ASTN2: variants seen among roughly 807,000 people sequenced by gnomAD.
ASTN2 encodes the protein astrotactin 2.
ASTN2 carries 54 observed loss-of-function variants against 139.8 expected under a neutral mutation model. The ratio of observed to expected loss-of-function variants is 0.39; its 90% CI spans 0.31 to 0.48. ASTN2 has a LOEUF of 0.48. Ranked by LOEUF, ASTN2 falls within the 20% of genes least tolerant of loss-of-function variation. ASTN2 has a pLI of 0.95. For synonymous variants in ASTN2, 756 were observed against 719.5 expected (o/e 1.05, Z -0.81); for missense variants, 1,565 against 1,725.1 (o/e 0.91, Z 1.64).
chr9:117,214,622 C>T lies in ASTN2; in HGVS notation c.751G>A (p.Glu251Lys), dbSNP rs562214892. 6.3e-7 allele frequency: 1 copy of T among 1,588,438 alleles called. No homozygotes were observed. Among genetic ancestry groups the T allele is most frequent in the South Asian group, 1.1e-5 (1 of 89,238 alleles). Residue 251 changes from glutamate (E) to lysine (K), a missense_variant, in exon 3 of 23, where the codon GAG (glutamate) becomes AAG (lysine). Glu to Lys is a moderately conservative substitution (Grantham distance 56). This residue lies in a region of ASTN2 where 596 missense variants were observed against 576.8 expected (regional missense o/e 1.03). Coordinates refer to ENST00000313400, the MANE Select transcript of ASTN2 (RefSeq NM_001365068.1). ...QKSASTEATH[E>K]IHYIPSVLLG... is the part of the protein sequence containing the mutation. ...AGCACAGATGGGATGTAGTGGATCTCATGAGTGGCTTCTGTGCTTGCGCTC... is the reference window on the plus strand; with the variant it reads ...AGCACAGATGGGATGTAGTGGATCTTATGAGTGGCTTCTGTGCTTGCGCTC...
At chr9:116,622,183 G>T (rs971753522) in intron 17 of ASTN2, among the ~76,000 whole-genome samples, 2 of 152,140 alleles carry the variant, frequency 1.3e-5, no homozygotes, top group Middle Eastern at 3.4e-3. Flanking sequence ...ATAAAGTCTG[G>T]GGTCTCCCTT....
At chr9:117,067,386 A>T (rs1827983272) in intron 5 of ASTN2, among the ~76,000 whole-genome samples, 1 of 128,288 alleles carries the variant, frequency 7.8e-6, no homozygotes, top group Admixed American at 7.9e-5. Context: ...TGGTACCAGT[A>T]CCATGCTGTT....
At chr9:117,267,457 TCAG>T (rs1257168311) in intron 2 of ASTN2, among the ~76,000 whole-genome samples, 1 of 152,144 alleles carries the variant, frequency 6.6e-6, no homozygotes, top group Non-Finnish European at 1.5e-5. Flanking sequence ...CCACAGACAC[TCAG>T]CAGTTCATTT....
At chr9:117,139,839 T>G (rs979148839) in intron 4 of ASTN2, among the ~76,000 whole-genome samples, 1 of 152,236 alleles carries the variant, frequency 6.6e-6, no homozygotes, top group Non-Finnish European at 1.5e-5. Flanking sequence ...AACGTCTTCA[T>G]AGAAATGTGC....
chr9:117,329,523 C>T (rs1055920541), intron 1 of ASTN2, among the ~76,000 whole-genome samples: 3 of 152,000 alleles, frequency 2.0e-5, no homozygotes, highest in African/African-American at 4.8e-5. Context: ...ATTCAGGGGC[C>T]CTGGCACTGG....
chr9:117,203,398 T>C (rs545380822), intron 3 of ASTN2, among the ~76,000 whole-genome samples: 161 of 152,188 alleles, frequency 1.1e-3, no homozygotes, highest in African/African-American at 3.4e-3. Flanking sequence ...GTGGTGATCA[T>C]GTTGAGGAGA....
intron 17 of ASTN2, among the ~76,000 whole-genome samples, chr9:116,650,536 A>G (rs1857848913): frequency 1.3e-5 from 2 of 152,230 alleles, no homozygotes; most frequent in South Asian, 2.1e-4. Flanking sequence ...TTGCCATTTT[A>G]TAAGTAAAAA....
intron 1 of ASTN2, among the ~76,000 whole-genome samples, chr9:117,409,892 C>A (rs1831114008): frequency 6.6e-6 from 1 of 152,230 alleles, no homozygotes; most frequent in Admixed American, 6.5e-5. Flanking sequence ...GGAACATTTG[C>A]TGACCTGAAC....
chr9:117,194,772 G>A (rs1831447629), intron 3 of ASTN2, among the ~76,000 whole-genome samples: 1 of 152,192 alleles, frequency 6.6e-6, no homozygotes, highest in Non-Finnish European at 1.5e-5. Flanking sequence ...ATTATTTGTA[G>A]TTGTATAAAT....
intron 1 of ASTN2, among the ~76,000 whole-genome samples, chr9:117,322,426 T>C (rs1357136734): frequency 1.3e-5 from 2 of 152,222 alleles, no homozygotes; most frequent in Non-Finnish European, 2.9e-5. Context: ...TTTATGTTAA[T>C]GTTGCATCAT....
At chr9:116,804,140 G>A (rs1588306867) in intron 13 of ASTN2, among the ~76,000 whole-genome samples, 3 of 152,092 alleles carry the variant, frequency 2.0e-5, no homozygotes, top group South Asian at 4.1e-4. Context: ...AGTATATGAT[G>A]ATTACAAGGA....
chr9:116,616,336 A>C (rs1855854511), intron 19 of ASTN2, among the ~76,000 whole-genome samples: 1 of 152,230 alleles, frequency 6.6e-6, no homozygotes, highest in Non-Finnish European at 1.5e-5. Context: ...AATAAACAGT[A>C]GAGAGAATGA....
intron 2 of ASTN2, among the ~76,000 whole-genome samples, chr9:117,263,541 G>A (rs567531748): frequency 3.9e-5 from 6 of 152,198 alleles, no homozygotes; most frequent in South Asian, 4.1e-4. Context: ...ATTGGCTATC[G>A]TATAGCTTCA....
At chr9:116,598,235 A>G (rs1454532881) in intron 19 of ASTN2, among the ~76,000 whole-genome samples, 6 of 152,204 alleles carry the variant, frequency 3.9e-5, no homozygotes, top group Non-Finnish European at 8.8e-5. Flanking sequence ...AAGGGAAGTT[A>G]AAAGGAAGTT....
intron 19 of ASTN2, among the ~76,000 whole-genome samples, chr9:116,597,092 T>TA (rs1463356688): frequency 1.5e-4 from 18 of 118,958 alleles, no homozygotes; most frequent in African/African-American, 4.3e-4. Flanking sequence ...GGTTATATTT[T>TA]TAAAAAATGT....
At chr9:116,942,243 G>A (rs1043291907) in intron 10 of ASTN2, among the ~76,000 whole-genome samples, 1 of 152,060 alleles carries the variant, frequency 6.6e-6, no homozygotes, top group African/African-American at 2.4e-5. Flanking sequence ...GTTCAGCTAA[G>A]CCTAGGCCCT....
At chr9:117,213,078 T>C (rs1832192864) in intron 3 of ASTN2, among the ~76,000 whole-genome samples, 1 of 152,166 alleles carries the variant, frequency 6.6e-6, no homozygotes, top group African/African-American at 2.4e-5. Flanking sequence ...GTGGTATGTA[T>C]ACACAATGGA....
intron 16 of ASTN2, chr9:116,686,860 A>G: frequency 6.5e-7 from 1 of 1,546,882 alleles, no homozygotes; most frequent in Admixed American, 2.0e-5. Context: ...ATGAGGCCAA[A>G]GCACTGCCCT....
chr9:116,744,539 A>G (rs538214848), intron 13 of ASTN2, among the ~76,000 whole-genome samples: 1 of 152,188 alleles, frequency 6.6e-6, no homozygotes, highest in Non-Finnish European at 1.5e-5. Flanking sequence ...TAGATGGACA[A>G]CAGAATACAG....
Sources: gnomAD v4.1 joint callset for allele counts (sites outside exome capture counted in the v4.1 genomes callset) on GRCh38, gnomAD v4.1.1 for gene constraint, gnomAD v4.1.1 regional missense constraint, MANE v1.5 for transcripts, NCBI Gene and HGNC (gene_info 2026-07-23, HGNC 2026-07-21) for gene names.